Variants in MYO1H observed in about 807,000 individuals in gnomAD.
MYO1H encodes the protein myosin IH.
MYO1H carries 118 observed loss-of-function variants against 149.3 expected under a neutral mutation model. The ratio of observed to expected loss-of-function variants is 0.79; its 90% CI spans 0.68 to 0.92. The LOEUF (loss-of-function observed/expected upper bound fraction) is 0.92. Among genes scored for constraint, MYO1H ranks in the 40% least tolerant of loss-of-function variants. The pLI, the probability that MYO1H is intolerant of heterozygous loss-of-function variation, is 0.00. For synonymous variants in MYO1H, 447 were observed against 465.2 expected (o/e 0.96, Z 0.50); for missense variants, 1,212 against 1,280.7 (o/e 0.95, Z 0.82).
At chr12:109,345,065 T>C (rs1206396874), upstream of MYO1H, among the ~76,000 whole-genome samples, 1 of 152,094 alleles carries the variant, frequency 6.6e-6, no homozygotes, top group African/African-American at 2.4e-5. Context: ...ACATTATACT[T>C]AAAACACAAG....
chr12:109,375,338 A>G (rs1869067188), intron 1 of MYO1H, among the ~76,000 whole-genome samples: 1 of 151,978 alleles, frequency 6.6e-6, no homozygotes, highest in Non-Finnish European at 1.5e-5. Context: ...TTTTTTGTAG[A>G]GATGGGGTTT....
chr12:109,404,188 C>T (rs1870280422), intron 7 of MYO1H, 108 bp downstream of exon 7: 5 of 807,404 alleles, frequency 6.2e-6, no homozygotes, highest in Non-Finnish European at 8.1e-6. Context: ...AATAAAAATA[C>T]AGGATGCAGC....
intron 14 of MYO1H, among the ~76,000 whole-genome samples, chr12:109,413,205 C>T (rs1870751447): frequency 6.6e-6 from 1 of 152,074 alleles, no homozygotes; most frequent in African/African-American, 2.4e-5. Flanking sequence ...GAACTCCTGA[C>T]CTCAAGTGAT....
chr12:109,443,704 A>AG, intron 28 of MYO1H, 55 bp downstream of exon 28: 1 of 1,595,270 alleles, frequency 6.3e-7, no homozygotes, highest in Non-Finnish European at 8.6e-7. Context: ...ACTACTGGAA[A>AG]GCCCAGTAAT....
intron 15 of MYO1H, among the ~76,000 whole-genome samples, chr12:109,416,267 T>C (rs1870902984): frequency 1.3e-5 from 2 of 152,166 alleles, no homozygotes; most frequent in South Asian, 4.1e-4. Context: ...AAAGAAATCC[T>C]GTACCCATTA....
At chr12:109,323,329 G>T in the MYO1H span, among the ~76,000 whole-genome samples, 1 of 152,136 alleles carries the variant, frequency 6.6e-6, no homozygotes, top group Non-Finnish European at 1.5e-5. Flanking sequence ...CTATGCACTC[G>T]GGTTCCATTG....
chr12:109,323,163 A>T, the MYO1H span, among the ~76,000 whole-genome samples: 1 of 152,176 alleles, frequency 6.6e-6, no homozygotes, highest in African/African-American at 2.4e-5. Context: ...CAGTTTCTTT[A>T]TTGTGGAATG....
At chr12:109,414,949 C>T (rs192094662) in intron 14 of MYO1H, among the ~76,000 whole-genome samples, 69 of 152,154 alleles carry the variant, frequency 4.5e-4, no homozygotes, top group African/African-American at 1.4e-3. Context: ...TGGCCTTAAA[C>T]GATCCTCCTG....
At chr12:109,398,625 C>T (rs994147408) in intron 5 of MYO1H, among the ~76,000 whole-genome samples, 4 of 150,716 alleles carry the variant, frequency 2.7e-5, no homozygotes, top group Non-Finnish European at 5.9e-5. Context: ...TGGTGTGCGA[C>T]TGTAATCCCA....
chr12:109,324,936 C>T, the MYO1H span, among the ~76,000 whole-genome samples: 5,945 of 152,104 alleles, frequency 0.039, 311 homozygotes, highest in East Asian at 0.15. Flanking sequence ...GTGTTCTTAT[C>T]GTTCAACTCC....
At chr12:109,403,267 G>A (rs764535891) in intron 6 of MYO1H, among the ~76,000 whole-genome samples, 4 of 152,060 alleles carry the variant, frequency 2.6e-5, no homozygotes, top group Non-Finnish European at 5.9e-5. Context: ...TTTTTATATC[G>A]GTCACTTCAC....
chr12:109,320,353 T>C, the MYO1H span, among the ~76,000 whole-genome samples: 1 of 146,480 alleles, frequency 6.8e-6, no homozygotes, highest in Non-Finnish European at 1.5e-5. Context: ...CTCACACCTG[T>C]AATCCCAACA....
intron 1 of MYO1H, among the ~76,000 whole-genome samples, chr12:109,364,772 T>C (rs1868833136): frequency 6.6e-6 from 1 of 152,222 alleles, no homozygotes; most frequent in Admixed American, 6.5e-5. Context: ...ACATTTTTTT[T>C]TCCATATGAT....
the MYO1H span, among the ~76,000 whole-genome samples, chr12:109,328,892 C>T: frequency 4.6e-5 from 7 of 152,178 alleles, no homozygotes; most frequent in Admixed American, 2.6e-4. Context: ...TTAACACATT[C>T]TTGAAATTCG....
At position 109,399,251 on chromosome 12, in the gene MYO1H, G is replaced by A. The variant is rs1036354487; in HGVS notation, c.570+1439G>A. Reference sequence around the variant, plus strand: ...TGAGGATAGCCCAGTGAATTTCTACGTATGTGTCCACCTCTGTAACCACCA... The same window carrying A: ...TGAGGATAGCCCAGTGAATTTCTACATATGTGTCCACCTCTGTAACCACCA... On this transcript the variant is annotated intron_variant, in intron 5 of 31. Coordinates refer to ENST00000310903, the Ensembl canonical transcript of MYO1H. 2.6e-5 allele frequency among the ~76,000 whole-genome samples: 4 copies of A among 152,120 alleles called. No homozygotes were observed. In the East Asian group the frequency reaches 5.8e-4, roughly 22 times the overall value.
At chr12:109,435,487 G>A (rs554398295) in intron 21 of MYO1H, among the ~76,000 whole-genome samples, 1 of 152,340 alleles carries the variant, frequency 6.6e-6, no homozygotes, top group African/African-American at 2.4e-5. Context: ...CAGCCTGGGT[G>A]TTTGCTGGGA....
At chr12:109,365,892 G>A (rs1412115623) in intron 1 of MYO1H, among the ~76,000 whole-genome samples, 1 of 152,140 alleles carries the variant, frequency 6.6e-6, no homozygotes, top group Admixed American at 6.5e-5. Context: ...GATGAGTGGT[G>A]GGTGAGCTAG....
chr12:109,427,316 CAAAA>C (rs34644066), intron 18 of MYO1H, among the ~76,000 whole-genome samples, 149 bp from the exon 19 acceptor site: 2 of 101,246 alleles, frequency 2.0e-5, no homozygotes, highest in Non-Finnish European at 2.0e-5. Flanking sequence ...AACCCCATCT[CAAAA>C]AAAAAAAAAA....
chr12:109,381,261 G>A (rs1041538323), intron 1 of MYO1H, among the ~76,000 whole-genome samples: 11 of 152,022 alleles, frequency 7.2e-5, no homozygotes, highest in African/African-American at 2.2e-4. Context: ...AGAAGGACTC[G>A]AATCACTCAG....
Sources: allele counts gnomAD v4.1 joint callset (sites outside exome capture counted in the v4.1 genomes callset), GRCh38; gene constraint gnomAD v4.1.1; transcripts MANE v1.5; gene names NCBI Gene and HGNC (gene_info 2026-07-23, HGNC 2026-07-21).